Variants in AFF1 observed in about 807,000 individuals in gnomAD.
The protein encoded by AFF1 is AF4/FMR2 family member 1.
AFF1 carries 48 observed loss-of-function variants against 121.7 expected under a neutral mutation model. That is an observed-to-expected ratio of 0.39 (90% CI 0.31 to 0.50). AFF1 has a LOEUF of 0.50. Among genes scored for constraint, AFF1 ranks in the 20% least tolerant of loss-of-function variants. The pLI is 0.76. For synonymous variants in AFF1, 613 were observed against 563.0 expected (o/e 1.09, Z -1.26); for missense variants, 1,523 against 1,511.7 (o/e 1.01, Z -0.12).
chr4:86,980,756 G>A (rs1723670229), intron 2 of AFF1, among the ~76,000 whole-genome samples: 1 of 152,200 alleles, frequency 6.6e-6, no homozygotes, highest in South Asian at 2.1e-4. Flanking sequence ...ATGGAGGAGA[G>A]AACGATAGAA....
Position 87,134,599 on chromosome 4 carries a change from A to C in AFF1, c.3440A>C (p.Gln1147Pro), listed in dbSNP as rs1334718869. 1.2e-6 allele frequency: 2 copies of C among 1,614,218 alleles called. No homozygotes were observed. The highest frequency in any genetic ancestry group is 1.7e-6 in the Non-Finnish European group (2 of 1,180,040). ...AATISTPVTI[Q>P]NMTSSYVTIT... is the part of the protein sequence containing the mutation. ...ACTATCAGCACCCCAGTCACCATCC[A>C]GAATATGACATCTTCCTATGTCACC... is the stretch of plus-strand genomic sequence containing the variant. The change falls in exon 20 of 21, where the codon CAG (glutamine) becomes CCG (proline). Residue 1147 changes from glutamine (Q) to proline (P), a missense_variant. Gln to Pro is a moderately conservative substitution (Grantham distance 76, BLOSUM62 -1). Around this residue, in one of 5 missense-constraint regions of AFF1, gnomAD observed 241 missense variants for 265.2 expected, o/e 0.91. Coordinates refer to ENST00000395146, the MANE Select transcript of AFF1 (RefSeq NM_001166693.3).
At chr4:87,089,465 A>T (rs535278195) in intron 5 of AFF1, among the ~76,000 whole-genome samples, 33 of 152,358 alleles carry the variant, frequency 2.2e-4, no homozygotes, top group African/African-American at 7.9e-4. Flanking sequence ...AATAGTGTGT[A>T]TCAGGGAAGG....
At chr4:86,954,761 T>G (rs1266990924) in intron 2 of AFF1, among the ~76,000 whole-genome samples, 1 of 152,136 alleles carries the variant, frequency 6.6e-6, no homozygotes, top group Non-Finnish European at 1.5e-5. Context: ...TATTTACTGT[T>G]CATTAAGTGG....
chr4:87,099,759 T>A (rs1725235820), intron 8 of AFF1, among the ~76,000 whole-genome samples: 1 of 152,046 alleles, frequency 6.6e-6, no homozygotes, highest in South Asian at 2.1e-4. Flanking sequence ...GAAACTGTGG[T>A]CAATAAGACA....
At chr4:87,115,823 C>T (rs976843554) in intron 12 of AFF1, among the ~76,000 whole-genome samples, 1 of 151,846 alleles carries the variant, frequency 6.6e-6, no homozygotes, top group Admixed American at 6.6e-5. Context: ...GTTGGCCAGG[C>T]TGCTCTTGAA....
chr4:87,003,726 A>G (rs887233964), intron 2 of AFF1, among the ~76,000 whole-genome samples: 1 of 152,222 alleles, frequency 6.6e-6, no homozygotes, highest in African/African-American at 2.4e-5. Flanking sequence ...TTATAGCATA[A>G]ATGATCACAG....
intron 12 of AFF1, among the ~76,000 whole-genome samples, chr4:87,115,625 T>TTTTTTTTTTTTTTC (rs397994396): frequency 0.11 from 11,040 of 101,658 alleles, 1,673 homozygotes; most frequent in Non-Finnish European, 0.14. Flanking sequence ...TTTTTTTTTT[T>TTTTTTTTTTTTTTC]CCAAAGACAG....
chr4:87,084,593 TAAATAAATAAA>T (rs1228650851), intron 5 of AFF1, among the ~76,000 whole-genome samples: 227 of 103,864 alleles, frequency 2.2e-3, no homozygotes, highest in East Asian at 0.013. Flanking sequence ...AATAAATAAA[TAAATAAATAAA>T]AAATAAAGAA....
intron 2 of AFF1, among the ~76,000 whole-genome samples, chr4:87,039,267 A>G (rs1462023876): frequency 1.3e-5 from 2 of 152,214 alleles, no homozygotes; most frequent in Admixed American, 6.5e-5. Context: ...TTTTACCACA[A>G]TATTTTAAAC....
At chr4:86,954,858 A>G (rs925260863) in intron 2 of AFF1, among the ~76,000 whole-genome samples, 1 of 152,210 alleles carries the variant, frequency 6.6e-6, no homozygotes, top group Non-Finnish European at 1.5e-5. Flanking sequence ...GCAGAAGAAA[A>G]TCCATGTCAA....
In AFF1 at chr4:87,127,172, C is replaced by CA. The variant is rs1560657576; in HGVS notation, c.2903+55_2903+56insA. On this transcript the variant is annotated intron_variant, in intron 15 of 20. Coordinates refer to ENST00000395146, the MANE Select transcript of AFF1 (RefSeq NM_001166693.3). The stretch of plus-strand genomic sequence containing the variant: ...TGTTTTGTTTTGTTTTGCTTCCCCC[C>CA]CCCACCAAGATAGAGTCTCACTCTG... 2.5e-5 allele frequency: 33 copies of CA among 1,297,064 alleles called. No individual in the cohort carries two copies. In the African/African-American group the frequency reaches 3.2e-4, roughly 13 times the overall value. 80.3% of individuals were successfully genotyped at this position (1,297,064 alleles called of 1,614,324 possible). A position where few individuals can be genotyped will look rare whatever the true frequency, so the allele number is the denominator to read the frequency against.
chr4:86,982,648 C>T (rs1295249911), intron 2 of AFF1, among the ~76,000 whole-genome samples: 2 of 150,918 alleles, frequency 1.3e-5, no homozygotes, highest in Admixed American at 6.6e-5. Flanking sequence ...AGTTTGAGCC[C>T]AGCCTGGCCA....
At chr4:87,100,246 G>A (rs1725290356) in intron 8 of AFF1, among the ~76,000 whole-genome samples, 1 of 152,100 alleles carries the variant, frequency 6.6e-6, no homozygotes, top group Non-Finnish European at 1.5e-5. Context: ...ATGCTGGGCT[G>A]TTAAACCAAC....
At chr4:86,952,328 CTGG>C (rs1285721316) in intron 2 of AFF1, among the ~76,000 whole-genome samples, 2 of 152,078 alleles carry the variant, frequency 1.3e-5, no homozygotes, top group South Asian at 2.1e-4. Context: ...AGATATCAGA[CTGG>C]TGAAAATTTA....
intron 2 of AFF1, among the ~76,000 whole-genome samples, chr4:87,033,316 T>C (rs1729247321): frequency 6.6e-6 from 1 of 152,254 alleles, no homozygotes; most frequent in Admixed American, 6.5e-5. Context: ...CAAGTCTAAA[T>C]GCTGAGCATT....
intron 2 of AFF1, among the ~76,000 whole-genome samples, chr4:87,034,780 AT>A (rs1480127115): frequency 7.4e-6 from 1 of 135,770 alleles, no homozygotes; most frequent in Non-Finnish European, 1.6e-5. Flanking sequence ...GGGTAAAAGA[AT>A]TTGGTAAAAT....
Position 87,022,690 on chromosome 4 carries a change from A to G in AFF1, c.39-23476A>G, listed in dbSNP as rs541195232. ...TGTGTATATATATGTGTGTGTATGT[A>G]TATCTGTGTGTATATATATATCTGT... On this transcript the variant is annotated intron_variant, in intron 2 of 20. Coordinates refer to ENST00000395146, the MANE Select transcript of AFF1 (RefSeq NM_001166693.3). Among the ~76,000 whole-genome samples the G allele has an allele frequency of 1.9e-4, 28 of 146,636 alleles. No individual in the cohort carries two copies. In the South Asian group the frequency reaches 5.5e-3, roughly 29 times the overall value.
rs141424642 is a variant in AFF1 at position 87,113,093 on chromosome 4, C to T, written c.1534-1274C>T. 4.7e-4 allele frequency among the ~76,000 whole-genome samples: 72 copies of T among 152,266 alleles called. No homozygotes were observed. The East Asian group carries it at 0.013, about 26-fold the overall frequency. ...AGGTCTAACAGCCGAGCTGGAGAGA[C>T]GTGGTGGGATGCAACAGCAGTTAAT... On this transcript the variant is annotated intron_variant, in intron 11 of 20. Transcript: ENST00000395146.
intron 4 of AFF1, among the ~76,000 whole-genome samples, chr4:87,048,578 C>G (rs1578143163): frequency 1.3e-5 from 2 of 152,272 alleles, no homozygotes; most frequent in East Asian, 3.9e-4. Context: ...GACATTTATG[C>G]CATCCAGATA....
Sources: allele counts gnomAD v4.1 joint callset (sites outside exome capture counted in the v4.1 genomes callset), GRCh38; gene constraint gnomAD v4.1.1; regional missense constraint gnomAD v4.1.1; transcripts MANE v1.5; gene names NCBI Gene and HGNC (gene_info 2026-07-23, HGNC 2026-07-21).